Variants in HELQ observed in about 807,000 individuals in gnomAD.
HELQ encodes the protein helicase, POLQ like.
HELQ carries 77 observed loss-of-function variants against 111.6 expected under a neutral mutation model. The observed-to-expected ratio is 0.69, with a 90% CI of 0.57 to 0.83. HELQ has a LOEUF of 0.83. Ranked by LOEUF, HELQ falls within the 40% of genes least tolerant of loss-of-function variation. The pLI, the probability that HELQ is intolerant of heterozygous loss-of-function variation, is 0.00. For missense variants in HELQ, 1,200 were observed against 1,288.5 expected, an observed-to-expected ratio of 0.93 and a Z score of 1.05; for synonymous variants, 438 against 454.7, an observed-to-expected ratio of 0.96 and a Z score of 0.47.
chr4:83,437,382 G>A (rs1254911541), intron 8 of HELQ, among the ~76,000 whole-genome samples: 2 of 152,046 alleles, frequency 1.3e-5, no homozygotes, highest in African/African-American at 4.8e-5. Flanking sequence ...GGAGGTAGAG[G>A]CAGAAGGATT....
rs777367631 is a variant in HELQ at position 83,455,713 on chromosome 4, A to G, written c.-20T>C. On this transcript the variant is annotated 5_prime_UTR_variant, in exon 1 of 18. The change abolishes the stop of an existing upstream ORF in the 5' untranslated region. Transcript: ENST00000295488. ...ATCCATGGCAAGGACCCAGGGCCCT[A>G]TTCAGACGTCGTTCTCAGTGACCCA... is the stretch of plus-strand genomic sequence containing the variant. 18 of 1,591,142 alleles carry G rather than the reference A, an allele frequency of 1.1e-5. No individual in the cohort carries two copies. The highest frequency in any genetic ancestry group is 2.2e-5 in the South Asian group (2 of 90,718).
chr4:83,433,540 C>A (rs1025554801), intron 9 of HELQ, among the ~76,000 whole-genome samples: 1 of 151,848 alleles, frequency 6.6e-6, no homozygotes, highest in African/African-American at 2.4e-5. Context: ...GTGGCAGGCG[C>A]CTGTAGTCCC....
chr4:83,428,334 C>A lies in HELQ; in HGVS notation c.2519-614G>T, dbSNP rs186356876. On this transcript the variant is annotated intron_variant, in intron 12 of 17. Coordinates refer to ENST00000295488, the MANE Select transcript of HELQ (RefSeq NM_133636.5). ...TAGGTTTTTTTTTTTTAACAACAGA[C>A]ATGTATTATTTTTCATTAAAAAAAA... 2.7e-3 allele frequency among the ~76,000 whole-genome samples: 414 copies of A among 150,750 alleles called. 1 individual carries two copies. The highest frequency in any genetic ancestry group is 9.7e-3 in the African/African-American group (398 of 41,046).
chr4:83,414,214 T>G (rs760790978), intron 17 of HELQ, among the ~76,000 whole-genome samples: 1 of 152,174 alleles, frequency 6.6e-6, no homozygotes, highest in Non-Finnish European at 1.5e-5. Context: ...AGAGCTGACT[T>G]CTGGGCAAGT....
At chr4:83,438,325 T>C (rs537806423) in intron 8 of HELQ, among the ~76,000 whole-genome samples, 1 of 152,330 alleles carries the variant, frequency 6.6e-6, no homozygotes, top group African/African-American at 2.4e-5. Flanking sequence ...AGTAACTTCA[T>C]ACTTATCTCT....
intron 13 of HELQ, 45 bp downstream of exon 13, chr4:83,427,518 A>G: frequency 7.0e-7 from 1 of 1,419,082 alleles, no homozygotes; most frequent in East Asian, 2.6e-5. Flanking sequence ...GCATGTAATA[A>G]TTCATAAACG....
In HELQ at chr4:83,427,118, A is replaced by G. The variant is rs552691718; in HGVS notation, c.2676+445T>C. On this transcript the variant is annotated intron_variant, in intron 13 of 17. Transcript: ENST00000295488. ...TTCTTTGCATTCTAGGCATTATCAA[A>G]TGCAGTGATCATAACAGTAACTTTC... Among the ~76,000 whole-genome samples the G allele has an allele frequency of 1.7e-3, 260 of 152,334 alleles. 1 individual carries two copies. Among genetic ancestry groups the G allele is most frequent in the African/African-American group, 5.7e-3 (237 of 41,578 alleles).
In HELQ at chr4:83,455,597, C is replaced by G. The variant is rs143574524; in HGVS notation, c.97G>C (p.Glu33Gln). 66 of 1,614,120 alleles carry G rather than the reference C, an allele frequency of 4.1e-5. No homozygotes were observed. The highest frequency in any genetic ancestry group is 1.0e-4 in the Admixed American group (6 of 60,028). ...TTCCCCTCATCTCCGGGCACGAGCT[C>G]GGCCGCGGTGGGAGCGCCAAAAATA... ...GCIFGAPTAA[E>Q]LVPGDEGKEE... Residue 33 changes from glutamate to glutamine, a missense_variant, in exon 1 of 18, where the codon GAG (glutamate) becomes CAG (glutamine). Transcript: ENST00000295488.
chr4:83,417,268 T>C (rs1381982413), intron 16 of HELQ, among the ~76,000 whole-genome samples: 1 of 151,806 alleles, frequency 6.6e-6, no homozygotes, highest in Non-Finnish European at 1.5e-5. Context: ...AATGGTGCGA[T>C]CTTGGCTTAT....
rs1251935759 is a variant in HELQ, at chr4:83,446,896, A to G, written c.1331T>C (p.Leu444Ser). 6.2e-7 allele frequency: 1 copy of G among 1,613,674 alleles called. No homozygotes were observed. Among genetic ancestry groups the G allele is most frequent in the East Asian group, 2.2e-5 (1 of 44,878 alleles). The change falls in exon 4 of 18, where the codon TTG becomes TCG. Residue 444 changes from leucine to serine, a missense_variant. Leu to Ser is a moderately radical substitution (Grantham distance 145). Around this residue, in one of 3 missense-constraint regions of HELQ, gnomAD observed 610 missense variants for 607.1 expected, o/e 1.00. Transcript: ENST00000295488. Reference protein sequence around the residue: ...YIATIEKGHSLVNSLIETGRI... With the variant: ...YIATIEKGHSSVNSLIETGRI... ...TCCAGTTTCAATCAAGGAGTTCACC[A>G]AGCTATGTCCTTTTTCAATAGTGGC...
At chr4:83,432,064 A>C in intron 10 of HELQ, 62 bp downstream of exon 10, 1 of 1,058,202 alleles carries the variant, frequency 9.4e-7, no homozygotes, top group Admixed American at 2.8e-5. Context: ...GATTTCATAA[A>C]AGGGCTAGAC....
intron 17 of HELQ, among the ~76,000 whole-genome samples, chr4:83,408,411 C>T (rs947505452): frequency 2.0e-5 from 3 of 152,092 alleles, no homozygotes; most frequent in African/African-American, 4.8e-5. Flanking sequence ...CACCACCACA[C>T]CCAGCTAATT....
chr4:83,412,903 G>A (rs976814102), intron 17 of HELQ, among the ~76,000 whole-genome samples: 18 of 152,224 alleles, frequency 1.2e-4, no homozygotes, highest in African/African-American at 4.1e-4. Context: ...AGAGAGGCCA[G>A]AAGAATCTGA....
chr4:83,451,202 A>G (rs1231055449), intron 2 of HELQ, among the ~76,000 whole-genome samples: 10 of 152,224 alleles, frequency 6.6e-5, no homozygotes, highest in Non-Finnish European at 2.9e-5. Flanking sequence ...ATCATTACCA[A>G]CATCTAATTT....
intron 5 of HELQ, among the ~76,000 whole-genome samples, 183 bp downstream of exon 5, chr4:83,445,831 G>T (rs1317926312): frequency 6.6e-6 from 1 of 152,160 alleles, no homozygotes; most frequent in Non-Finnish European, 1.5e-5. Context: ...TAATAATAGA[G>T]GACTTCTTCA....
chr4:83,425,039 G>A (rs1469420410), intron 14 of HELQ, among the ~76,000 whole-genome samples: 8 of 152,130 alleles, frequency 5.3e-5, no homozygotes. Context: ...CAATGCTTTG[G>A]GAGAACGAGG....
chr4:83,429,809 T>C, intron 11 of HELQ, 63 bp from the exon 12 acceptor site: 1 of 978,254 alleles, frequency 1.0e-6, no homozygotes, highest in Non-Finnish European at 1.6e-6. Context: ...CTTGAATGCA[T>C]ATTAATCAAG....
intron 16 of HELQ, among the ~76,000 whole-genome samples, chr4:83,417,291 C>T (rs1449269216): frequency 6.6e-6 from 1 of 151,812 alleles, no homozygotes; most frequent in African/African-American, 2.4e-5. Flanking sequence ...CAACCTGCAC[C>T]ACTCACGTTC....
Position 83,407,477 on chromosome 4 carries a change from C to T in HELQ, c.3282G>A (p.Val1094=). 2 of 1,606,108 alleles carry T rather than the reference C, an allele frequency of 1.2e-6. No individual in the cohort carries two copies. Among genetic ancestry groups the T allele is most frequent in the South Asian group, 2.2e-5 (2 of 89,340 alleles). The part of the protein sequence containing the change: ...LRLPSDFPGA[V]ASSTDKA ...TTCATGCTTTGTCAGTGGAAGAAGCCACAGCACCAGGGAAATCAGAAGGCA... is the reference window on the plus strand; with the variant it reads ...TTCATGCTTTGTCAGTGGAAGAAGCTACAGCACCAGGGAAATCAGAAGGCA... Residue 1094 remains valine (V), a synonymous_variant, in exon 18 of 18, where the codon GTG becomes GTA. Transcript: ENST00000295488.
Sources: gnomAD v4.1 joint callset for allele counts (sites outside exome capture counted in the v4.1 genomes callset) on GRCh38, gnomAD v4.1.1 for gene constraint, gnomAD v4.1.1 regional missense constraint, MANE v1.5 for transcripts, NCBI Gene and HGNC (gene_info 2026-07-23, HGNC 2026-07-21) for gene names.